Variants in OTUD3 observed in about 807,000 individuals in gnomAD.
OTUD3 encodes OTU deubiquitinase 3.
Under a neutral mutation model 46.2 loss-of-function variants are expected in OTUD3, and 24 were observed. The observed-to-expected ratio is 0.52, with a 90% CI of 0.38 to 0.73. The LOEUF is 0.73. Ranked by LOEUF, OTUD3 falls within the 30% of genes least tolerant of loss-of-function variation. The pLI is 0.00. For synonymous variants in OTUD3, 189 were observed against 195.4 expected (o/e 0.97, Z 0.27); for missense variants, 455 against 523.3 (o/e 0.87, Z 1.27).
At position 19,909,499 on chromosome 1, in the gene OTUD3, ACT is replaced by A. The variant is rs879068654; in HGVS notation, c.*1756_*1757del. On this transcript the variant is annotated 3_prime_UTR_variant, in exon 8 of 8. Transcript: ENST00000375120. ...ACGAATGAAAGATCTCTGTTGCCTT[ACT>A]CTAAGGAAGTGGGATCGAGTGCGTT... 1 of 152,300 alleles carries A rather than the reference ACT, an allele frequency of 6.6e-6. No individual in the cohort carries two copies. The highest frequency in any genetic ancestry group is 2.1e-4 in the South Asian group (1 of 4,826). The allele number at this position is 152,300 out of a possible 1,614,324, so 9.4% of individuals were successfully genotyped here.
chr1:19,910,736 TGGGAGGGAG>T lies in OTUD3; in HGVS notation c.*2991_*2999del. 6.6e-6 allele frequency: 1 copy of T among 151,584 alleles called. No homozygotes were observed. Among genetic ancestry groups the T allele is most frequent in the Admixed American group, 6.6e-5 (1 of 15,218 alleles). The allele number at this position is 151,584 out of a possible 1,614,324, so 9.4% of individuals were successfully genotyped here. A position where few individuals can be genotyped will look rare whatever the true frequency, so the allele number is the denominator to read the frequency against. On this transcript the variant is annotated 3_prime_UTR_variant, in exon 8 of 8. Transcript: ENST00000375120. ...CCCTTGTGGAGCAGCTGGAGCTGGCTGGGAGGGAGCCTCTCCATGGGTAATTTATTATGC... is the reference window on the plus strand; with the variant it reads ...CCCTTGTGGAGCAGCTGGAGCTGGCTCCTCTCCATGGGTAATTTATTATGC...
intron 4 of OTUD3, among the ~76,000 whole-genome samples, chr1:19,901,529 C>T (rs2045589817): frequency 6.6e-6 from 1 of 152,166 alleles, no homozygotes; most frequent in African/African-American, 2.4e-5. Context: ...GCAAAATTCA[C>T]ATAACATAAA....
chr1:19,897,634 C>T lies in OTUD3; in HGVS notation c.578C>T (p.Ser193Leu), dbSNP rs768516517. The change falls in exon 4 of 8, where the codon TCA (serine) becomes TTA (leucine). Residue 193 changes from serine (S) to leucine (L), a missense_variant. Physicochemically the swap from Ser to Leu is moderately radical, Grantham distance 145. Transcript: ENST00000375120. ...AGTGTTCGGAGGATCAATGACAACTCAGAGGCACCTGCACATCTCCAGACG... is the reference window on the plus strand; with the variant it reads ...AGTGTTCGGAGGATCAATGACAACTTAGAGGCACCTGCACATCTCCAGACG... ...YDSVRRINDN[S>L]EAPAHLQTDF... 1.5e-5 allele frequency: 25 copies of T among 1,613,914 alleles called. No homozygotes were observed. Among genetic ancestry groups the T allele is most frequent in the Admixed American group, 3.3e-5 (2 of 59,992 alleles).
intron 3 of OTUD3, among the ~76,000 whole-genome samples, chr1:19,895,147 C>T (rs1186154517): frequency 6.6e-6 from 1 of 152,180 alleles, no homozygotes; most frequent in Non-Finnish European, 1.5e-5. Flanking sequence ...ACACATGTAT[C>T]CATATCCACA....
rs900585804 is a variant in OTUD3 at position 19,910,628 on chromosome 1, C to T, written c.*2882C>T. ...GGCAGAAAGAATTTTAAATGTTAGT[C>T]GAAGTTGTCTGTAGTTTCTTTATTA... is the stretch of plus-strand genomic sequence containing the variant. On this transcript the variant is annotated 3_prime_UTR_variant, in exon 8 of 8. Transcript: ENST00000375120. 4 of 152,320 alleles carry T rather than the reference C, an allele frequency of 2.6e-5. No homozygotes were observed. The highest frequency in any genetic ancestry group is 4.8e-5 in the African/African-American group (2 of 41,436). 9.4% of individuals were successfully genotyped at this position (152,320 alleles called of 1,614,324 possible). A position where few individuals can be genotyped will look rare whatever the true frequency, so the allele number is the denominator to read the frequency against.
chr1:19,894,621 C>G, intron 3 of OTUD3, 141 bp downstream of exon 3: 1 of 545,666 alleles, frequency 1.8e-6, no homozygotes, highest in South Asian at 2.7e-5. Flanking sequence ...AGACAAAAAT[C>G]TTGTGATGGC....
intron 1 of OTUD3, among the ~76,000 whole-genome samples, chr1:19,889,885 G>C (rs1304716946): frequency 6.6e-6 from 1 of 152,172 alleles, no homozygotes; most frequent in East Asian, 1.9e-4. Context: ...TCAGTTGTTA[G>C]TATTGGCAGC....
chr1:19,910,016 A>G lies in OTUD3; in HGVS notation c.*2270A>G, dbSNP rs1346619415. 2.0e-5 allele frequency: 3 copies of G among 152,330 alleles called. No homozygotes were observed. Among genetic ancestry groups the G allele is most frequent in the African/African-American group, 4.8e-5 (2 of 41,456 alleles). The allele number at this position is 152,330 out of a possible 1,614,324, so 9.4% of individuals were successfully genotyped here. A position where few individuals can be genotyped will look rare whatever the true frequency, so the allele number is the denominator to read the frequency against. Reference sequence around the variant, plus strand: ...GCATCCAACTTCAGTGATACCTTCTAGCTAATGGTTTCAATTTAGACTTCA... The same window carrying G: ...GCATCCAACTTCAGTGATACCTTCTGGCTAATGGTTTCAATTTAGACTTCA... On this transcript the variant is annotated 3_prime_UTR_variant, in exon 8 of 8. Transcript: ENST00000375120.
intron 1 of OTUD3, among the ~76,000 whole-genome samples, chr1:19,886,149 C>T (rs2045356837): frequency 6.6e-6 from 1 of 152,096 alleles, no homozygotes; most frequent in Non-Finnish European, 1.5e-5. Context: ...ATAGTTTAAC[C>T]TTGATGTTTT....
chr1:19,898,587 G>A (rs2045547304), intron 4 of OTUD3, among the ~76,000 whole-genome samples: 2 of 151,840 alleles, frequency 1.3e-5, no homozygotes, highest in Non-Finnish European at 2.9e-5. Flanking sequence ...AATTAGCCGG[G>A]TGTGGTGGCG....
At chr1:19,886,215 G>A (rs1306201088) in intron 1 of OTUD3, among the ~76,000 whole-genome samples, 1 of 151,970 alleles carries the variant, frequency 6.6e-6, no homozygotes, top group African/African-American at 2.4e-5. Flanking sequence ...TATTTATTAG[G>A]CAGTACAATA....
At chr1:19,884,006 A>T (rs2045319580) in intron 1 of OTUD3, among the ~76,000 whole-genome samples, 1 of 152,196 alleles carries the variant, frequency 6.6e-6, no homozygotes, top group Admixed American at 6.5e-5. Flanking sequence ...ACTTGATTAC[A>T]TTTATTCACC....
At position 19,911,262 on chromosome 1, in the gene OTUD3, T is replaced by C. The variant is rs995171319; in HGVS notation, c.*3516T>C. The C allele has an allele frequency of 6.6e-6, 1 of 152,384 alleles. No individual in the cohort carries two copies. The highest frequency in any genetic ancestry group is 1.5e-5 in the Non-Finnish European group (1 of 68,048). The allele number at this position is 152,384 out of a possible 1,614,324, so 9.4% of individuals were successfully genotyped here. On this transcript the variant is annotated 3_prime_UTR_variant, in exon 8 of 8. Transcript: ENST00000375120. ...CTCAGTCTGATGCCGTTTTTCTGTTTTGCCATTCTCATTATTCACAGCTTT... is the reference window on the plus strand; with the variant it reads ...CTCAGTCTGATGCCGTTTTTCTGTTCTGCCATTCTCATTATTCACAGCTTT...
chr1:19,885,940 G>A (rs919146608), intron 1 of OTUD3, among the ~76,000 whole-genome samples: 2 of 152,174 alleles, frequency 1.3e-5, no homozygotes, highest in African/African-American at 2.4e-5. Context: ...GTAGCATTCT[G>A]GAACCTGAGG....
At chr1:19,883,684 T>A (rs1274495450) in intron 1 of OTUD3, among the ~76,000 whole-genome samples, 1 of 66,610 alleles carries the variant, frequency 1.5e-5, no homozygotes, top group Non-Finnish European at 4.1e-5. Context: ...TTTTGCTGTG[T>A]TGCCCAGGCT....
chr1:19,897,464 G>A (rs2045531550), intron 3 of OTUD3, 76 bp from the exon 4 acceptor site: 3 of 1,531,232 alleles, frequency 2.0e-6, no homozygotes, highest in African/African-American at 1.4e-5. Flanking sequence ...TTCCTCAGCA[G>A]TCCAGGTGGG....
chr1:19,894,412 A>G lies in OTUD3; in HGVS notation c.415A>G (p.Ile139Val), dbSNP rs778112027. ...TGGTACTTTTGCTGGCAATGATGCA[A>G]TTGTAGCCTTTGCAAGAAATCATCA... ...KPGTFAGNDAIVAFARNHQLN... is the reference protein window; with the variant it reads ...KPGTFAGNDAVVAFARNHQLN... The change falls in exon 3 of 8, where the codon ATT (isoleucine) becomes GTT (valine). Residue 139 changes from isoleucine (I) to valine (V), a missense_variant. Transcript: ENST00000375120. 6.2e-7 allele frequency: 1 copy of G among 1,611,426 alleles called. No homozygotes were observed. Among genetic ancestry groups the G allele is most frequent in the Non-Finnish European group, 8.5e-7 (1 of 1,178,796 alleles).
chr1:19,907,301 C>T (rs996125981), intron 7 of OTUD3, among the ~76,000 whole-genome samples: 4 of 152,164 alleles, frequency 2.6e-5, no homozygotes, highest in Non-Finnish European at 4.4e-5. Context: ...TTCTCTGACA[C>T]GTTTGTTTGT....
At position 19,905,740 on chromosome 1, in the gene OTUD3, CAAAA is replaced by C. The variant is rs559598331; in HGVS notation, c.836-687_836-684del. Among the ~76,000 whole-genome samples the C allele has an allele frequency of 4.2e-3, 640 of 151,072 alleles. 7 individuals are homozygous for C. The highest frequency in any genetic ancestry group is 0.015 in the African/African-American group (616 of 41,138). ...TGGGCAACAGAGCGAGACTCCCTCT[CAAAA>C]AAAAGAGAAAAGGATGTAACATCTT... On this transcript the variant is annotated intron_variant, in intron 6 of 7. Transcript: ENST00000375120.
Sources: gnomAD v4.1 joint callset for allele counts (sites outside exome capture counted in the v4.1 genomes callset) on GRCh38, gnomAD v4.1.1 for gene constraint, MANE v1.5 for transcripts, NCBI Gene and HGNC (gene_info 2026-07-23, HGNC 2026-07-21) for gene names.